The following NCAPD3 variants were observed in gnomAD, a reference collection of about 807,000 sequenced individuals.
NCAPD3 encodes the protein condensin-2 complex subunit D3.
Under a neutral mutation model 182.9 loss-of-function variants are expected in NCAPD3, and 105 were observed. The observed-to-expected ratio is 0.57, with a 90% confidence interval of 0.49 to 0.68. NCAPD3 has a LOEUF of 0.68. NCAPD3 is among the 30% of genes least tolerant of loss of function. The pLI, the probability that NCAPD3 is intolerant of heterozygous loss-of-function variation, is 0.00. For synonymous variants in NCAPD3, 815 were observed against 679.9 expected (o/e 1.20, Z -3.09); for missense variants, 1,944 against 1,837.0 (o/e 1.06, Z -1.07).
intron 24 of NCAPD3, among the ~76,000 whole-genome samples, chr11:134,174,536 G>A (rs1046678009): frequency 4.0e-5 from 6 of 151,834 alleles, no homozygotes; most frequent in African/African-American, 1.5e-4. Flanking sequence ...TCACTCATAT[G>A]TAAGAGTTAA....
In NCAPD3 at chr11:134,223,942, G is replaced by C; in HGVS notation, c.-16C>G. 6.2e-7 allele frequency: 1 copy of C among 1,609,726 alleles called. No individual in the cohort carries two copies. Among genetic ancestry groups the C allele is most frequent in the Middle Eastern group, 1.7e-4 (1 of 6,050 alleles). ...ACGCCACCATGATCCCAGGGCACCG[G>C]CTCGCCGCCGCCGTGCTCAACTTTC... On this transcript the variant is annotated 5_prime_UTR_variant, in exon 1 of 35. Transcript: ENST00000534548.
chr11:134,182,994 C>G (rs554143352), intron 19 of NCAPD3: 57 of 414,062 alleles, frequency 1.4e-4, no homozygotes, highest in African/African-American at 1.1e-3. Flanking sequence ...CCACCCGCTT[C>G]CAGCTCTCAG....
chr11:134,152,459 AC>A lies in NCAPD3; in HGVS notation c.*484del, dbSNP rs1308662911. ...TACTGGAAGGCTGTATTTATGCTAA[AC>A]CTTTATTACTTTTAGAAAGCTGTAC... On this transcript the variant is annotated 3_prime_UTR_variant, in exon 35 of 35. Transcript: ENST00000534548. The A allele has an allele frequency of 6.6e-6, 1 of 152,402 alleles. No homozygotes were observed. Among genetic ancestry groups the A allele is most frequent in the Admixed American group, 6.5e-5 (1 of 15,290 alleles). The allele number at this position is 152,402 out of a possible 1,614,324, so 9.4% of individuals were successfully genotyped here. A position where few individuals can be genotyped will look rare whatever the true frequency, so the allele number is the denominator to read the frequency against.
At chr11:134,200,631 T>C (rs1423031414) in intron 13 of NCAPD3, among the ~76,000 whole-genome samples, 1 of 152,168 alleles carries the variant, frequency 6.6e-6, no homozygotes, top group Non-Finnish European at 1.5e-5. Flanking sequence ...GCTAGCAGGA[T>C]TGTAAAATGG....
At chr11:134,165,689 G>A (rs1368427943) in intron 27 of NCAPD3, among the ~76,000 whole-genome samples, 1 of 147,238 alleles carries the variant, frequency 6.8e-6, no homozygotes, top group African/African-American at 2.5e-5. Flanking sequence ...TCATTTGTGA[G>A]ATGAGCTTGG....
At position 134,204,171 on chromosome 11, in the gene NCAPD3, C is replaced by T. The variant is rs765666916; in HGVS notation, c.1090G>A (p.Val364Met). Residue 364 changes from valine (V) to methionine (M), a missense_variant and splice_region_variant, in exon 10 of 35, where the codon GTG becomes ATG. This residue lies in a region of NCAPD3 where 1,803 missense variants were observed against 1,674.6 expected (regional missense o/e 1.08). Transcript: ENST00000534548. This position sits in a 1 kb window ranked among gnomAD's most constrained non-coding sequence, Gnocchi z 4.3. Reference protein sequence around the residue: ...RILLQHICAKVVDKSEYRTFA... With the variant: ...RILLQHICAKMVDKSEYRTFA... ...GTACGATACTCTGATTTATCTACCACCTGAAAAGCAAAAAGAGAAGTTGAC... is the reference window on the plus strand; with the variant it reads ...GTACGATACTCTGATTTATCTACCATCTGAAAAGCAAAAAGAGAAGTTGAC... 1 of 1,611,814 alleles carries T rather than the reference C, an allele frequency of 6.2e-7. No individual in the cohort carries two copies. Among genetic ancestry groups the T allele is most frequent in the Non-Finnish European group, 8.5e-7 (1 of 1,179,414 alleles).
chr11:134,159,800 C>T (rs532159962), intron 29 of NCAPD3, 92 bp downstream of exon 29: 343 of 1,351,726 alleles, frequency 2.5e-4, no homozygotes, highest in Non-Finnish European at 3.2e-4. Flanking sequence ...CCTCTGATGA[C>T]GGAGATCTTG....
chr11:134,174,040 T>C (rs1944093905), intron 24 of NCAPD3, among the ~76,000 whole-genome samples: 1 of 149,978 alleles, frequency 6.7e-6, no homozygotes, highest in Non-Finnish European at 1.5e-5. Context: ...TCATAAAAAA[T>C]TCAATAGGCT....
chr11:134,192,169 G>T (rs1944536564), intron 16 of NCAPD3, among the ~76,000 whole-genome samples: 1 of 152,126 alleles, frequency 6.6e-6, no homozygotes, highest in African/African-American at 2.4e-5. Context: ...GGTATTTTTT[G>T]ATACTAAATC....
At chr11:134,202,721 G>GA (rs369086849) in intron 13 of NCAPD3, 95 bp downstream of exon 13, 164,787 of 733,950 alleles carry the variant, frequency 0.22, 42 homozygotes, top group East Asian at 0.26. Flanking sequence ...GAATAAATCA[G>GA]AAAAAAAAAA....
intron 7 of NCAPD3, among the ~76,000 whole-genome samples, chr11:134,207,248 A>G (rs1411403656): frequency 1.3e-5 from 2 of 152,156 alleles, no homozygotes; most frequent in Non-Finnish European, 2.9e-5. Context: ...ACTTTCATCT[A>G]CATAGCTAGA....
intron 27 of NCAPD3, 72 bp from the exon 28 acceptor site, chr11:134,161,963 C>G (rs1943594870): frequency 3.9e-6 from 3 of 769,750 alleles, no homozygotes; most frequent in South Asian, 1.9e-5. Context: ...TGATCTAGTT[C>G]TTTGAGTAGA....
chr11:134,216,421 C>T (rs558823565), intron 3 of NCAPD3, among the ~76,000 whole-genome samples: 1 of 152,316 alleles, frequency 6.6e-6, no homozygotes, highest in Admixed American at 6.5e-5. Context: ...ATAGGAGGAA[C>T]AGCCTCCTCA....
chr11:134,185,717 T>C (rs1315638942), intron 16 of NCAPD3, among the ~76,000 whole-genome samples, 191 bp from the exon 17 acceptor site: 2 of 152,166 alleles, frequency 1.3e-5, no homozygotes, highest in Admixed American at 1.3e-4. Flanking sequence ...ATTTTTATTA[T>C]TCTACTATCA....
Position 134,185,503 on chromosome 11 carries a change from T to C in NCAPD3, c.2069A>G (p.His690Arg). The change falls in exon 17 of 35, where the codon CAT becomes CGT. Residue 690 changes from histidine (H) to arginine (R), a missense_variant. His to Arg is a conservative substitution (Grantham distance 29). Around this residue, in one of 3 missense-constraint regions of NCAPD3, gnomAD observed 1,803 missense variants for 1,674.6 expected, o/e 1.08. Coordinates refer to ENST00000534548, the MANE Select transcript of NCAPD3 (RefSeq NM_015261.3). ...ELSRYLNKAFHIWSKKEKFSP... is the reference protein window; with the variant it reads ...ELSRYLNKAFRIWSKKEKFSP... ...GAATTTTTCTTTCTTGGACCAGATA[T>C]GAAAAGCCTTATTTAAATATCGGCT... 2 of 1,600,768 alleles carry C rather than the reference T, an allele frequency of 1.2e-6. No individual in the cohort carries two copies. The highest frequency in any genetic ancestry group is 8.5e-7 in the Non-Finnish European group (1 of 1,175,140).
At chr11:134,205,245 A>G (rs1207942231) in intron 8 of NCAPD3, among the ~76,000 whole-genome samples, 1 of 152,228 alleles carries the variant, frequency 6.6e-6, no homozygotes, top group African/African-American at 2.4e-5. Context: ...CTACTTACTA[A>G]ATTTCATATG....
intron 27 of NCAPD3, among the ~76,000 whole-genome samples, chr11:134,167,075 CT>C (rs1943848450): frequency 2.6e-5 from 2 of 78,250 alleles, no homozygotes; most frequent in African/African-American, 7.2e-5. Flanking sequence ...CTTGGGGGAG[CT>C]GCACACTCAC....
At chr11:134,163,871 C>CA (rs60340458) in intron 27 of NCAPD3, among the ~76,000 whole-genome samples, 2,685 of 70,412 alleles carry the variant, frequency 0.038, 121 homozygotes, top group African/African-American at 0.063. Flanking sequence ...GATTCTGTCT[C>CA]AAAAAAAAAA....
At position 134,178,069 on chromosome 11, in the gene NCAPD3, A is replaced by G. The variant is rs1944212791; in HGVS notation, c.2782+565T>C. The G allele has an allele frequency of 2.0e-5, 3 of 152,436 alleles. No homozygotes were observed. The South Asian group carries it at 6.2e-4, about 32-fold the overall frequency. 9.4% of individuals were successfully genotyped at this position (152,436 alleles called of 1,614,324 possible). Reference sequence around the variant, plus strand: ...CACTCACACTAAAGGAAAAATAAAAAAACAAAAAAACAAAATACAATTTCC... The same window carrying G: ...CACTCACACTAAAGGAAAAATAAAAGAACAAAAAAACAAAATACAATTTCC... On this transcript the variant is annotated intron_variant, in intron 22 of 34. Coordinates refer to ENST00000534548, the MANE Select transcript of NCAPD3 (RefSeq NM_015261.3).
Sources: gnomAD v4.1 joint callset for allele counts (sites outside exome capture counted in the v4.1 genomes callset) on GRCh38, gnomAD v4.1.1 for gene constraint, gnomAD v4.1.1 regional missense constraint, Gnocchi (gnomAD v3.1) non-coding constraint, MANE v1.5 for transcripts, NCBI Gene and HGNC (gene_info 2026-07-23, HGNC 2026-07-21) for gene names.